NKAIN2: variants seen among roughly 807,000 people sequenced by gnomAD.
The protein encoded by NKAIN2 is sodium/potassium transporting ATPase interacting 2.
In NKAIN2, 14 loss-of-function variants were observed where a neutral mutation model predicts 32.6. The ratio of observed to expected loss-of-function variants is 0.43; its 90% CI spans 0.28 to 0.67. The LOEUF (loss-of-function observed/expected upper bound fraction) is 0.67, where lower values mean the gene tolerates loss of function less well. Ranked by LOEUF, NKAIN2 falls within the 30% of genes least tolerant of loss-of-function variation. The pLI, the probability that NKAIN2 is intolerant of heterozygous loss-of-function variation, is 0.17. For synonymous variants in NKAIN2, 80 were observed against 87.2 expected, an observed-to-expected ratio of 0.92 and a Z score of 0.46; for missense variants, 198 against 258.3, an observed-to-expected ratio of 0.77 and a Z score of 1.60.
intron 3 of NKAIN2, chr6:124,438,052 G>T (rs1775535300): frequency 3.8e-6 from 1 of 263,658 alleles, no homozygotes; most frequent in East Asian, 1.0e-4. Context: ...TTTAGACCTG[G>T]GCTTCACATA....
intron 3 of NKAIN2, among the ~76,000 whole-genome samples, chr6:124,421,851 C>T (rs369039170): frequency 6.6e-6 from 1 of 152,136 alleles, no homozygotes. Flanking sequence ...TCGCGGGAAA[C>T]GTATGTCCGG....
Position 123,804,174 on chromosome 6 carries a change from C to G in NKAIN2, c.-27C>G. On this transcript the variant is annotated 5_prime_UTR_variant, in exon 1 of 7. Transcript: ENST00000368417. ...TCGACGGTGGCCGACGTGGGACAGT[C>G]TGGCTGTGGCAGGGGTCTCGGAAAC... is the stretch of plus-strand genomic sequence containing the variant. The G allele has an allele frequency of 6.2e-7, 1 of 1,611,040 alleles. No homozygotes were observed. The highest frequency in any genetic ancestry group is 8.5e-7 in the Non-Finnish European group (1 of 1,177,384).
At chr6:124,274,799 A>T (rs1325126678) in intron 1 of NKAIN2, among the ~76,000 whole-genome samples, 2 of 152,186 alleles carry the variant, frequency 1.3e-5, no homozygotes, top group African/African-American at 4.8e-5. Flanking sequence ...AAGGTGGGAG[A>T]TTTGTGTTAT....
intron 3 of NKAIN2, among the ~76,000 whole-genome samples, chr6:124,382,462 A>G (rs1370890391): frequency 6.6e-6 from 1 of 152,142 alleles, no homozygotes; most frequent in Non-Finnish European, 1.5e-5. Context: ...GTGTTCCTGG[A>G]TTGCAAGTTT....
At chr6:124,601,475 C>T (rs1481553958) in intron 3 of NKAIN2, among the ~76,000 whole-genome samples, 2 of 151,988 alleles carry the variant, frequency 1.3e-5, no homozygotes, top group Non-Finnish European at 2.9e-5. Context: ...TGCCACATAT[C>T]AAGCTTATTT....
At chr6:124,318,308 G>A (rs966504588) in intron 2 of NKAIN2, among the ~76,000 whole-genome samples, 4 of 151,826 alleles carry the variant, frequency 2.6e-5, no homozygotes, top group African/African-American at 9.7e-5. Context: ...GTCACACTTT[G>A]CCTCAGCTAC....
chr6:124,708,402 G>C (rs1775222634), intron 4 of NKAIN2, among the ~76,000 whole-genome samples: 1 of 151,628 alleles, frequency 6.6e-6, no homozygotes, highest in Admixed American at 6.6e-5. Flanking sequence ...GCTTGATGGG[G>C]ATGGCATTGA....
chr6:124,771,103 C>T (rs1778732236), intron 4 of NKAIN2, among the ~76,000 whole-genome samples: 1 of 152,052 alleles, frequency 6.6e-6, no homozygotes, highest in African/African-American at 2.4e-5. Context: ...AGTCCAAAAG[C>T]CCTTACTCCT....
chr6:123,926,882 T>C (rs1203128812), intron 1 of NKAIN2, among the ~76,000 whole-genome samples: 1 of 152,202 alleles, frequency 6.6e-6, no homozygotes, highest in Non-Finnish European at 1.5e-5. Context: ...ATTTTTCCCC[T>C]TTCTTGGACT....
chr6:124,654,322 T>G (rs1412897487), intron 3 of NKAIN2, among the ~76,000 whole-genome samples: 1 of 152,034 alleles, frequency 6.6e-6, no homozygotes, highest in Non-Finnish European at 1.5e-5. Context: ...TTCTAAGTAA[T>G]AAATAATATA....
rs73772162 is a variant in NKAIN2 at position 124,587,566 on chromosome 6, G to A, written c.274-70620G>A. Among the ~76,000 whole-genome samples, 872 of 152,260 alleles carry A rather than the reference G, an allele frequency of 5.7e-3. 10 individuals carry two copies. Among genetic ancestry groups the A allele is most frequent in the African/African-American group, 0.02 (827 of 41,546 alleles). On this transcript the variant is annotated intron_variant, in intron 3 of 6. Coordinates refer to ENST00000368417, the MANE Select transcript of NKAIN2 (RefSeq NM_001040214.3). ...TGAAACTGATACCAGATAATGTAGTGTCCCTTTGTGGAGAAGTTATTGAAG... is the reference window on the plus strand; with the variant it reads ...TGAAACTGATACCAGATAATGTAGTATCCCTTTGTGGAGAAGTTATTGAAG...
intron 1 of NKAIN2, among the ~76,000 whole-genome samples, chr6:124,274,715 T>C (rs942626554): frequency 3.7e-4 from 57 of 152,182 alleles, no homozygotes; most frequent in Admixed American, 3.7e-3. Flanking sequence ...TTTATTGTAG[T>C]GTACAGAATA....
intron 1 of NKAIN2, among the ~76,000 whole-genome samples, chr6:124,039,748 G>A (rs1781781596): frequency 6.6e-6 from 1 of 151,362 alleles, no homozygotes; most frequent in Non-Finnish European, 1.5e-5. Flanking sequence ...GTTTATCTTA[G>A]GCTTTATTTT....
intron 3 of NKAIN2, among the ~76,000 whole-genome samples, chr6:124,653,419 G>T (rs1784433384): frequency 7.1e-6 from 1 of 140,222 alleles, no homozygotes; most frequent in Non-Finnish European, 1.5e-5. Flanking sequence ...AATAAATGGT[G>T]CTGGAATAAT....
chr6:124,262,205 A>G (rs1397627653), intron 1 of NKAIN2, among the ~76,000 whole-genome samples: 2 of 152,174 alleles, frequency 1.3e-5, no homozygotes, highest in African/African-American at 4.8e-5. Context: ...TTGAATAATC[A>G]TTTTTGAATG....
intron 3 of NKAIN2, among the ~76,000 whole-genome samples, chr6:124,572,545 T>C (rs1781166620): frequency 6.6e-6 from 1 of 152,160 alleles, no homozygotes; most frequent in African/African-American, 2.4e-5. Flanking sequence ...TTTGCAACGG[T>C]AGAGTTCAAG....
intron 1 of NKAIN2, among the ~76,000 whole-genome samples, chr6:124,182,685 A>G (rs1328749589): frequency 6.6e-6 from 1 of 152,186 alleles, no homozygotes. Flanking sequence ...CTATATCCAT[A>G]TATTAATGTT....
chr6:123,815,685 A>C (rs1773664005), intron 1 of NKAIN2, among the ~76,000 whole-genome samples: 1 of 152,140 alleles, frequency 6.6e-6, no homozygotes, highest in Non-Finnish European at 1.5e-5. Context: ...CATTTCATGA[A>C]GAGCTTCTGC....
chr6:124,586,042 A>G (rs1410491586), intron 3 of NKAIN2, among the ~76,000 whole-genome samples: 1 of 152,192 alleles, frequency 6.6e-6, no homozygotes, highest in Non-Finnish European at 1.5e-5. Flanking sequence ...ATTCACTTCT[A>G]TCTATTGTCT....
Sources: allele counts gnomAD v4.1 joint callset (sites outside exome capture counted in the v4.1 genomes callset), GRCh38; gene constraint gnomAD v4.1.1; transcripts MANE v1.5; gene names NCBI Gene and HGNC (gene_info 2026-07-23, HGNC 2026-07-21).